The following ELF5 variants were observed in gnomAD, a reference collection of about 807,000 sequenced individuals.
The protein encoded by ELF5 is E74 like ETS transcription factor 5.
ELF5 carries 31 observed loss-of-function variants against 38.2 expected under a neutral mutation model. The observed-to-expected ratio is 0.81, with a 90% CI of 0.61 to 1.10. The LOEUF is 1.10. Ranked by LOEUF, ELF5 falls within the 50% of genes least tolerant of loss-of-function variation. The pLI is 0.00. For synonymous variants in ELF5, 121 were observed against 112.5 expected (o/e 1.08, Z -0.48); for missense variants, 300 against 306.6 (o/e 0.98, Z 0.16).
chr11:34,489,058 C>A (rs1850089296), intron 4 of ELF5, among the ~76,000 whole-genome samples: 1 of 152,244 alleles, frequency 6.6e-6, no homozygotes, highest in South Asian at 2.1e-4. Flanking sequence ...TGCAGAGCTG[C>A]TCGTGTGAGG....
chr11:34,488,805 C>T (rs920073853), intron 4 of ELF5, among the ~76,000 whole-genome samples: 1 of 152,226 alleles, frequency 6.6e-6, no homozygotes, highest in Non-Finnish European at 1.5e-5. Context: ...GAGAGTAAAG[C>T]AAATGCCTGC....
intron 2 of ELF5, among the ~76,000 whole-genome samples, chr11:34,496,908 C>G (rs1164748643): frequency 6.6e-6 from 1 of 152,200 alleles, no homozygotes; most frequent in Non-Finnish European, 1.5e-5. Flanking sequence ...CCACGCCCCA[C>G]TCTTCTTGGT....
At chr11:34,512,749 C>G (rs1351007468) in intron 1 of ELF5, among the ~76,000 whole-genome samples, 1 of 152,050 alleles carries the variant, frequency 6.6e-6, no homozygotes, top group Non-Finnish European at 1.5e-5. Context: ...AAAACTCCGG[C>G]CCGAGAATAC....
chr11:34,501,867 A>C (rs1850479466), intron 2 of ELF5, among the ~76,000 whole-genome samples: 1 of 151,824 alleles, frequency 6.6e-6, no homozygotes, highest in African/African-American at 2.4e-5. Flanking sequence ...TGAGTATTCC[A>C]CCCTTCCCTC....
chr11:34,508,370 G>T (rs936841442), intron 1 of ELF5, among the ~76,000 whole-genome samples: 2 of 152,114 alleles, frequency 1.3e-5, no homozygotes, highest in Non-Finnish European at 2.9e-5. Context: ...GGGTGTGTTG[G>T]TGCATGCCTG....
At chr11:34,511,652 G>T (rs1564988650) in intron 1 of ELF5, 8 of 1,572,608 alleles carry the variant, frequency 5.1e-6, no homozygotes, top group Middle Eastern at 1.7e-4. Context: ...CACAGAGAGG[G>T]TCCACCGAGT....
intron 6 of ELF5, among the ~76,000 whole-genome samples, 191 bp from the exon 7 acceptor site, chr11:34,480,505 T>C (rs1856911998): frequency 6.6e-6 from 1 of 152,132 alleles, no homozygotes; most frequent in Non-Finnish European, 1.5e-5. Flanking sequence ...CTCACCATTC[T>C]CAGCTCAAAA....
intron 2 of ELF5, among the ~76,000 whole-genome samples, chr11:34,495,328 G>C (rs1850290268): frequency 6.6e-6 from 1 of 152,196 alleles, no homozygotes; most frequent in African/African-American, 2.4e-5. Flanking sequence ...GCGATTTGCA[G>C]CGTTTAAAGG....
At chr11:34,487,532 G>A (rs767702295) in intron 4 of ELF5, among the ~76,000 whole-genome samples, 27 of 152,210 alleles carry the variant, frequency 1.8e-4, no homozygotes, top group Non-Finnish European at 3.7e-4. Context: ...ATGTTAAAAT[G>A]TAAATGTGAT....
chr11:34,507,185 A>C (rs1390613517), intron 1 of ELF5, among the ~76,000 whole-genome samples: 1 of 152,192 alleles, frequency 6.6e-6, no homozygotes, highest in Non-Finnish European at 1.5e-5. Flanking sequence ...CGCCTTCCTA[A>C]ATCTGTGAAG....
chr11:34,506,325 G>A (rs1850612905), intron 1 of ELF5, among the ~76,000 whole-genome samples: 1 of 152,006 alleles, frequency 6.6e-6, no homozygotes, highest in Non-Finnish European at 1.5e-5. Flanking sequence ...ATAGACACTG[G>A]GGACTACCAG....
At position 34,493,733 on chromosome 11, in the gene ELF5, G is replaced by C. The variant is rs369488129; in HGVS notation, c.122-21C>G. ...ACAGGCTGCACCAAAGGAGAAAGAA[G>C]TGAGGGACAACAGTCCCAAGACAGC... On this transcript the variant is annotated intron_variant, in intron 2 of 6. Transcript: ENST00000257832. The C allele has an allele frequency of 7.8e-4, 1,249 of 1,608,182 alleles. 6 individuals carry two copies. The highest frequency in any genetic ancestry group is 8.8e-4 in the Non-Finnish European group (1,031 of 1,175,280).
At chr11:34,505,509 G>T in intron 2 of ELF5, 120 bp downstream of exon 2, 1 of 1,472,710 alleles carries the variant, frequency 6.8e-7, no homozygotes, top group Non-Finnish European at 9.2e-7. Flanking sequence ...CCAGCCCTCT[G>T]CCCTGAACTC....
At chr11:34,506,077 G>A (rs1850608033) in intron 1 of ELF5, among the ~76,000 whole-genome samples, 1 of 152,158 alleles carries the variant, frequency 6.6e-6, no homozygotes, top group Non-Finnish European at 1.5e-5. Context: ...TATGTTTCCT[G>A]TTTGCTCACA....
At chr11:34,503,262 G>A (rs1361589167) in intron 2 of ELF5, among the ~76,000 whole-genome samples, 1 of 152,040 alleles carries the variant, frequency 6.6e-6, no homozygotes, top group African/African-American at 2.4e-5. Context: ...GAGCTCAAGG[G>A]ATCCTCCTGT....
chr11:34,485,074 T>C (rs887512184), intron 4 of ELF5, among the ~76,000 whole-genome samples: 12 of 152,192 alleles, frequency 7.9e-5, no homozygotes, highest in African/African-American at 2.9e-4. Context: ...ACTTACTAAA[T>C]GCCAAGTGCT....
intron 4 of ELF5, among the ~76,000 whole-genome samples, chr11:34,487,364 G>C (rs1430653701): frequency 6.6e-6 from 1 of 152,130 alleles, no homozygotes; most frequent in Non-Finnish European, 1.5e-5. Flanking sequence ...ATGCTCCAGA[G>C]ATGCTAGCCC....
chr11:34,481,092 G>A (rs975670639), intron 5 of ELF5, 125 bp from the exon 6 acceptor site: 6 of 692,764 alleles, frequency 8.7e-6, no homozygotes, highest in East Asian at 3.6e-5. Flanking sequence ...GTGCGATCTC[G>A]GCTCACTGCA....
intron 2 of ELF5, among the ~76,000 whole-genome samples, chr11:34,502,220 A>T (rs1850489691): frequency 6.6e-6 from 1 of 152,248 alleles, no homozygotes; most frequent in South Asian, 2.1e-4. Flanking sequence ...CATGGCTGGT[A>T]AGTGGCAGTG....
Sources: gnomAD v4.1 joint callset for allele counts (sites outside exome capture counted in the v4.1 genomes callset) on GRCh38, gnomAD v4.1.1 for gene constraint, MANE v1.5 for transcripts, NCBI Gene and HGNC (gene_info 2026-07-23, HGNC 2026-07-21) for gene names.